Variants in AATK observed in about 807,000 individuals in gnomAD.
AATK encodes lemur tail kinase 1.
Under a neutral mutation model 114.3 loss-of-function variants are expected in AATK, and 91 were observed. The observed-to-expected ratio is 0.80, with a 90% CI of 0.67 to 0.95. The LOEUF (loss-of-function observed/expected upper bound fraction) is 0.95. AATK is among the 40% of genes least tolerant of loss of function. The probability of loss-of-function intolerance (pLI) is 0.00; values close to 1 mark genes in which losing one functional copy is unlikely to be tolerated. For missense variants in AATK, 2,176 were observed against 1,965.2 expected (o/e 1.11, Z -2.03); for synonymous variants, 1,075 against 916.5 (o/e 1.17, Z -3.12).
chr17:81,153,513 C>G (rs144127164), intron 1 of AATK, among the ~76,000 whole-genome samples: 1 of 152,146 alleles, frequency 6.6e-6, no homozygotes, highest in African/African-American at 2.4e-5. Context: ...CACCCCGGAG[C>G]GTTCAGGGAA....
Position 81,128,463 on chromosome 17 carries a change from C to T in AATK, c.414+7G>A, listed in dbSNP as rs1253271451. The T allele has an allele frequency of 6.5e-7, 1 of 1,548,814 alleles. No individual in the cohort carries two copies. Among genetic ancestry groups the T allele is most frequent in the South Asian group, 1.2e-5 (1 of 83,978 alleles). ...CGGGAGTCCTCCCTCCCAGGCGGGA[C>T]ACGTACCTTCCCGAACCAGCCACGG... On this transcript the variant is annotated splice_region_variant and intron_variant, in intron 4 of 13. Coordinates refer to ENST00000326724, the MANE Select transcript of AATK (RefSeq NM_001080395.3).
chr17:81,162,269 C>T (rs548938890), intron 1 of AATK, among the ~76,000 whole-genome samples: 1 of 151,800 alleles, frequency 6.6e-6, no homozygotes, highest in South Asian at 2.1e-4. Context: ...CTAAGGGTCT[C>T]GGTGGGAGAC....
chr17:81,151,229 C>T (rs373783563), intron 1 of AATK, among the ~76,000 whole-genome samples: 34 of 152,080 alleles, frequency 2.2e-4, no homozygotes, highest in Admixed American at 1.7e-3. Context: ...GGTGGAGACA[C>T]GGAAGCCGGG....
intron 12 of AATK, 128 bp from the exon 13 acceptor site, chr17:81,119,708 GT>G (rs2060668641): frequency 1.0e-6 from 1 of 973,304 alleles, no homozygotes; most frequent in South Asian, 2.0e-5. Context: ...CTCCCATGAT[GT>G]CACGGGCCCA....
At position 81,120,981 on chromosome 17, in the gene AATK, G is replaced by A; in HGVS notation, c.2955C>T (p.Gly985=). ...CTCGGTAGGGATTCTTCTCGTTGAG[G>A]CCACTGAGGGAGGTGGAGAGCCGTG... ...PETRLSTSLS[G]LNEKNPYRDS... Residue 985 remains glycine (G), a synonymous_variant, in exon 11 of 14, where the codon GGC becomes GGT. Transcript: ENST00000326724. The A allele has an allele frequency of 6.2e-7, 1 of 1,610,466 alleles. No homozygotes were observed. Among genetic ancestry groups the A allele is most frequent in the Non-Finnish European group, 8.5e-7 (1 of 1,179,040 alleles).
chr17:81,129,166 C>G (rs1046834397), intron 3 of AATK, among the ~76,000 whole-genome samples: 1 of 152,252 alleles, frequency 6.6e-6, no homozygotes, highest in Non-Finnish European at 1.5e-5. Flanking sequence ...AATTCTGCTC[C>G]CACGTCAACT....
At chr17:81,138,645 ACACATACC>A (rs1264743713) in intron 1 of AATK, among the ~76,000 whole-genome samples, 1 of 99,956 alleles carries the variant, frequency 1.0e-5, no homozygotes, top group Non-Finnish European at 2.3e-5. Flanking sequence ...CCACACATCC[ACACATACC>A]CACACACATA....
intron 1 of AATK, among the ~76,000 whole-genome samples, chr17:81,163,761 C>T (rs1359150352): frequency 6.6e-6 from 1 of 152,238 alleles, no homozygotes. Flanking sequence ...CACTATCGGG[C>T]GTCTCTGCCC....
Position 81,121,966 on chromosome 17 carries a change from G to A in AATK, c.1970C>T (p.Pro657Leu), listed in dbSNP as rs779986234. The change falls in exon 11 of 14, where the codon CCG becomes CTG. Residue 657 changes from proline to leucine, a missense_variant. By Grantham distance (98) the Pro-to-Leu change is moderately conservative. Coordinates refer to ENST00000326724, the MANE Select transcript of AATK (RefSeq NM_001080395.3). ...CTCTAGCTCATCCTCGCCAGTCAGC[G>A]GCAGCGGGGGCGCCCCTGAGCTCCC... ...PLGSSGAPPL[P>L]LTGEDELEEV... The A allele has an allele frequency of 7.5e-6, 12 of 1,599,808 alleles. No homozygotes were observed. Among genetic ancestry groups the A allele is most frequent in the East Asian group, 2.2e-5 (1 of 44,734 alleles).
intron 1 of AATK, chr17:81,160,405 T>A: frequency 4.6e-6 from 1 of 216,576 alleles, no homozygotes; most frequent in Non-Finnish European, 7.9e-6. Context: ...CCGCCTCCCG[T>A]GACAGTTCTC....
At chr17:81,153,174 A>G (rs1268642144) in intron 1 of AATK, among the ~76,000 whole-genome samples, 1 of 152,058 alleles carries the variant, frequency 6.6e-6, no homozygotes, top group East Asian at 1.9e-4. Context: ...AGCTATATAC[A>G]ATTCATGCCC....
chr17:81,138,152 C>T (rs111218935), intron 1 of AATK, among the ~76,000 whole-genome samples: 4,622 of 150,952 alleles, frequency 0.031, 78 homozygotes, highest in South Asian at 0.052. Context: ...CATACGCGCA[C>T]GCCCACATGC....
At chr17:81,131,299 C>T (rs1427951375) in intron 2 of AATK, 94 bp from the exon 3 acceptor site, 2 of 1,445,706 alleles carry the variant, frequency 1.4e-6, no homozygotes, top group Non-Finnish European at 1.8e-6. Context: ...GGGCCGAGCT[C>T]CCAGGGCAGG....
intron 1 of AATK, among the ~76,000 whole-genome samples, chr17:81,144,489 C>T (rs186571451): frequency 3.0e-4 from 45 of 152,282 alleles, no homozygotes; most frequent in African/African-American, 7.0e-4. Context: ...CACCCCCAGG[C>T]GGGGCCGCTG....
intron 3 of AATK, 98 bp downstream of exon 3, chr17:81,130,963 A>G: frequency 7.0e-7 from 1 of 1,419,678 alleles, no homozygotes; most frequent in Non-Finnish European, 9.4e-7. Flanking sequence ...TGCTGCCCCC[A>G]CTCCAGAGCT....
chr17:81,142,120 G>A (rs750332795), intron 1 of AATK, among the ~76,000 whole-genome samples: 1 of 151,612 alleles, frequency 6.6e-6, no homozygotes, highest in Non-Finnish European at 1.5e-5. Flanking sequence ...CATCACCCTC[G>A]GCTAATTTTT....
intron 3 of AATK, among the ~76,000 whole-genome samples, chr17:81,129,470 T>C (rs2060897751): frequency 6.6e-6 from 1 of 152,168 alleles, no homozygotes; most frequent in African/African-American, 2.4e-5. Flanking sequence ...GCCGTCCTTC[T>C]CTGCGGTCCC....
rs2061063434 is a variant in AATK at position 81,138,540 on chromosome 17, T to TCA, written c.56-4040_56-4039insTG. Among the ~76,000 whole-genome samples the TCA allele has an allele frequency of 7.6e-5, 9 of 118,126 alleles. No individual in the cohort carries two copies. The South Asian group carries it at 2.0e-3, about 26-fold the overall frequency. The allele number at this position is 118,126 out of a possible 152,430, so 77.5% of individuals were successfully genotyped here. On this transcript the variant is annotated intron_variant, in intron 1 of 13. Transcript: ENST00000326724. ...CACCCACACACGTGCACATACACGT[T>TCA]CGCGTGCACACACGTGCACACATAC...
chr17:81,122,184 G>A lies in AATK; in HGVS notation c.1752C>T (p.Val584=), dbSNP rs55736948. The change falls in exon 11 of 14, where the codon GTC becomes GTT. Residue 584 remains valine (V), a synonymous_variant. Coordinates refer to ENST00000326724, the MANE Select transcript of AATK (RefSeq NM_001080395.3). ...GGTCGCCGCGGCCCCAGGGGACGTC[G>A]ACGGGTGGCCCGTGGCCCAGCAGCG... The part of the protein sequence containing the change: ...MEPLLGHGPP[V]DVPWGRGDHY... 1,752 of 1,509,556 alleles carry A rather than the reference G, an allele frequency of 1.2e-3. 4 individuals are homozygous for A. Among genetic ancestry groups the A allele is most frequent in the Non-Finnish European group, 1.4e-3 (1,612 of 1,130,094 alleles). 93.5% of individuals were successfully genotyped at this position (1,509,556 alleles called of 1,614,324 possible).
Sources: gnomAD v4.1 joint callset for allele counts (sites outside exome capture counted in the v4.1 genomes callset) on GRCh38, gnomAD v4.1.1 for gene constraint, MANE v1.5 for transcripts, NCBI Gene and HGNC (gene_info 2026-07-23, HGNC 2026-07-21) for gene names.